The following SNRPE variants were observed in gnomAD, a reference collection of about 807,000 sequenced individuals.
SNRPE encodes the protein small nuclear ribonucleoprotein E.
For missense variants in SNRPE, 53 were observed against 111.6 expected, an observed-to-expected ratio of 0.48 and a Z score of 2.36; for synonymous variants, 35 against 36.7, an observed-to-expected ratio of 0.95 and a Z score of 0.17.
At position 203,861,621 on chromosome 1, in the gene SNRPE, A is replaced by G. The variant is rs1367693344; in HGVS notation, c.-39A>G. ...GTTCTTTATTCCGGAAGTTGCTCTC[A>G]GAGGCAGCGTGCGGGTGTGCTCTTT... On this transcript the variant is annotated 5_prime_UTR_variant, in exon 1 of 5. Transcript: ENST00000414487. 7 of 1,568,000 alleles carry G rather than the reference A, an allele frequency of 4.5e-6. No individual in the cohort carries two copies. Among genetic ancestry groups the G allele is most frequent in the Non-Finnish European group, 5.3e-6 (6 of 1,138,144 alleles).
rs773455387 is a variant in SNRPE, at chr1:203,862,176, C to T, written c.55-20C>T. Reference sequence around the variant, plus strand: ...AGTCTATGCTGCTTTTGTATTTTTTCCTTAGCCACTGTGGTGCAGAACCTC... The same window carrying T: ...AGTCTATGCTGCTTTTGTATTTTTTTCTTAGCCACTGTGGTGCAGAACCTC... On this transcript the variant is annotated intron_variant, in intron 1 of 4. Coordinates refer to ENST00000414487, the MANE Select transcript of SNRPE (RefSeq NM_003094.4). 1 of 1,603,052 alleles carries T rather than the reference C, an allele frequency of 6.2e-7. No individual in the cohort carries two copies. Among genetic ancestry groups the T allele is most frequent in the Non-Finnish European group, 8.5e-7 (1 of 1,170,132 alleles).
In SNRPE at chr1:203,870,584, A is replaced by G. The variant is rs1690195019; in HGVS notation, c.*652A>G. ...TGGTAATCTGAAAAGGACCACAAGC[A>G]TAGCTGGTAGGCAAATTGTTAGGCA... On this transcript the variant is annotated 3_prime_UTR_variant, in exon 5 of 5. Transcript: ENST00000414487. The G allele has an allele frequency of 6.6e-6, 1 of 152,268 alleles. No individual in the cohort carries two copies. Among genetic ancestry groups the G allele is most frequent in the Non-Finnish European group, 1.5e-5 (1 of 68,050 alleles). 9.4% of individuals were successfully genotyped at this position (152,268 alleles called of 1,614,324 possible). A position where few individuals can be genotyped will look rare whatever the true frequency, so the allele number is the denominator to read the frequency against.
chr1:203,865,192 C>A, intron 4 of SNRPE, 73 bp downstream of exon 4: 1 of 1,317,386 alleles, frequency 7.6e-7, no homozygotes, highest in Non-Finnish European at 1.1e-6. Context: ...ACCTGCAACT[C>A]AGTTCATGTT....
intron 2 of SNRPE, among the ~76,000 whole-genome samples, chr1:203,862,453 C>T (rs1359682810): frequency 1.3e-5 from 2 of 152,104 alleles, no homozygotes; most frequent in Admixed American, 6.6e-5. Flanking sequence ...TTTGCAAGAT[C>T]AAAAATACTT....
intron 2 of SNRPE, among the ~76,000 whole-genome samples, chr1:203,863,235 A>G (rs1169423866): frequency 6.6e-6 from 1 of 151,594 alleles, no homozygotes; most frequent in Non-Finnish European, 1.5e-5. Flanking sequence ...GCGCAGGCTT[A>G]TATTGAACAC....
At chr1:203,868,459 T>C (rs1690140522) in intron 4 of SNRPE, among the ~76,000 whole-genome samples, 1 of 152,200 alleles carries the variant, frequency 6.6e-6, no homozygotes, top group Non-Finnish European at 1.5e-5. Context: ...TTGAGGTTTA[T>C]TTAGGCATTT....
Position 203,865,064 on chromosome 1 carries a change from T to C in SNRPE, c.168T>C (p.Leu56=), listed in dbSNP as rs1690060634. The change falls in exon 4 of 5, where the codon CTT becomes CTC. Residue 56 remains leucine, a synonymous_variant. Coordinates refer to ENST00000414487, the MANE Select transcript of SNRPE (RefSeq NM_003094.4). ...AGGGTTTTGATGAGTATATGAACCT[T>C]GTATTAGATGATGCAGAAGAGATTC... ...CIIGFDEYMN[L]VLDDAEEIHS... 6.2e-7 allele frequency: 1 copy of C among 1,612,654 alleles called. No homozygotes were observed.
chr1:203,868,347 G>A (rs1178425207), intron 4 of SNRPE, among the ~76,000 whole-genome samples: 1 of 152,084 alleles, frequency 6.6e-6, no homozygotes, highest in East Asian at 1.9e-4. Flanking sequence ...GAGCCACTAA[G>A]CCTGGCAATG....
At chr1:203,868,094 C>T (rs1469823577) in intron 4 of SNRPE, among the ~76,000 whole-genome samples, 2 of 152,114 alleles carry the variant, frequency 1.3e-5, no homozygotes, top group Non-Finnish European at 1.5e-5. Flanking sequence ...GAGTCTCTGT[C>T]GCTCAGGCTG....
chr1:203,867,123 A>AACAAAAAAAAAAAAC lies in SNRPE; in HGVS notation c.223+2005_223+2006insCAAAAAAAAAAAACA, dbSNP rs1553274868. ...GTCTTTCCTGAAAAAAAAAAAAAAAAAAAAAAATTAGCTGGGCATGGTGGC... is the reference window on the plus strand; with the variant it reads ...GTCTTTCCTGAAAAAAAAAAAAAAAAACAAAAAAAAAAAACAAAAAAATTAGCTGGGCATGGTGGC... On this transcript the variant is annotated intron_variant, in intron 4 of 4. Transcript: ENST00000414487. Among the ~76,000 whole-genome samples the AACAAAAAAAAAAAAC allele has an allele frequency of 2.8e-5, 4 of 141,334 alleles. No individual in the cohort carries two copies. The East Asian group carries it at 6.4e-4, about 23-fold the overall frequency. The allele number at this position is 141,334 out of a possible 152,430, so 92.7% of individuals were successfully genotyped here.
At chr1:203,861,906 C>T in intron 1 of SNRPE, 193 bp downstream of exon 1, 2 of 627,374 alleles carry the variant, frequency 3.2e-6, no homozygotes, top group South Asian at 1.9e-5. Context: ...GGACCCCTGC[C>T]GTGGGGAATG....
chr1:203,869,870 G>T lies in SNRPE; in HGVS notation c.224-7G>T. ...ATTAATAGCTTTTTGTTGTTTTTGT[G>T]TTGCAGGTCGGATCATGCTAAAAGG... On this transcript the variant is annotated splice_polypyrimidine_tract_variant and splice_region_variant and intron_variant, in intron 4 of 4. Transcript: ENST00000414487. 1.2e-6 allele frequency: 2 copies of T among 1,600,292 alleles called. No individual in the cohort carries two copies. Among genetic ancestry groups the T allele is most frequent in the Non-Finnish European group, 1.7e-6 (2 of 1,172,384 alleles).
intron 4 of SNRPE, among the ~76,000 whole-genome samples, chr1:203,866,228 G>C (rs1239538516): frequency 6.6e-6 from 1 of 152,214 alleles, no homozygotes; most frequent in Non-Finnish European, 1.5e-5. Flanking sequence ...AAGGATTTTA[G>C]GAGTTGTATG....
intron 3 of SNRPE, among the ~76,000 whole-genome samples, chr1:203,864,749 C>G (rs1055036448): frequency 6.6e-6 from 1 of 151,870 alleles, no homozygotes; most frequent in Non-Finnish European, 1.5e-5. Flanking sequence ...TGGTGGTGCG[C>G]CCTGTAGTTC....
intron 3 of SNRPE, 73 bp from the exon 4 acceptor site, chr1:203,864,968 T>G: frequency 7.0e-7 from 1 of 1,424,994 alleles, no homozygotes; most frequent in Non-Finnish European, 9.4e-7. Flanking sequence ...AGTTTTTATC[T>G]GCATAGGTAT....
At position 203,870,677 on chromosome 1, in the gene SNRPE, C is replaced by G. The variant is rs890311380; in HGVS notation, c.*745C>G. On this transcript the variant is annotated 3_prime_UTR_variant, in exon 5 of 5. Coordinates refer to ENST00000414487, the MANE Select transcript of SNRPE (RefSeq NM_003094.4). The stretch of plus-strand genomic sequence containing the variant: ...ATCTCTTAAGAATTTTGGTTCTTCC[C>G]CCAGTGATTGCTGGTTGAATTCTTA... 6.6e-6 allele frequency: 1 copy of G among 152,132 alleles called. No homozygotes were observed. The highest frequency in any genetic ancestry group is 1.5e-5 in the Non-Finnish European group (1 of 68,010). The allele number at this position is 152,132 out of a possible 1,614,324, so 9.4% of individuals were successfully genotyped here. A position where few individuals can be genotyped will look rare whatever the true frequency, so the allele number is the denominator to read the frequency against.
At chr1:203,865,416 T>C (rs1313061234) in intron 4 of SNRPE, among the ~76,000 whole-genome samples, 1 of 152,126 alleles carries the variant, frequency 6.6e-6, no homozygotes, top group Non-Finnish European at 1.5e-5. Flanking sequence ...TGTTGGCTGC[T>C]CCCTCCTTAA....
chr1:203,862,851 T>C (rs1002263568), intron 2 of SNRPE, among the ~76,000 whole-genome samples: 2 of 152,174 alleles, frequency 1.3e-5, no homozygotes, highest in Non-Finnish European at 2.9e-5. Flanking sequence ...GAAGGCTTTG[T>C]TTTGGAACTG....
In SNRPE at chr1:203,861,721, A is replaced by T. The variant is rs1689980772; in HGVS notation, c.54+8A>T. ...GTTATGGTGCAGCCCATCGTATCCT[A>T]CGCAGGATGTCAGGACTAGGAGGTT... On this transcript the variant is annotated splice_region_variant and intron_variant, in intron 1 of 4. Transcript: ENST00000414487. 2.5e-6 allele frequency: 4 copies of T among 1,603,920 alleles called. No homozygotes were observed. The highest frequency in any genetic ancestry group is 2.6e-6 in the Non-Finnish European group (3 of 1,170,698).
Sources: gnomAD v4.1 joint callset for allele counts (sites outside exome capture counted in the v4.1 genomes callset) on GRCh38, gnomAD v4.1.1 for gene constraint, MANE v1.5 for transcripts, NCBI Gene and HGNC (gene_info 2026-07-23, HGNC 2026-07-21) for gene names.